UBL3: variants seen among roughly 807,000 people sequenced by gnomAD.
UBL3 encodes the protein ubiquitin-like protein 3.
Under a neutral mutation model 18.4 loss-of-function variants are expected in UBL3, and 6 were observed. The observed-to-expected ratio is 0.33, with a 90% CI of 0.18 to 0.64. The LOEUF (loss-of-function observed/expected upper bound fraction) is 0.64. Ranked by LOEUF, UBL3 falls within the 30% of genes least tolerant of loss-of-function variation. UBL3 has a pLI of 0.76. For synonymous variants in UBL3, 49 were observed against 46.6 expected (o/e 1.05, Z -0.21); for missense variants, 109 against 142.9 (o/e 0.76, Z 1.21).
At chr13:29,829,268 C>A (rs1719332274) in intron 1 of UBL3, among the ~76,000 whole-genome samples, 1 of 152,236 alleles carries the variant, frequency 6.6e-6, no homozygotes, top group South Asian at 2.1e-4. Context: ...TTTTGTTCGG[C>A]TGTGCCCTGC....
Position 29,765,986 on chromosome 13 carries a change from T to C in UBL3, c.*1269A>G, listed in dbSNP as rs1876668976. The C allele has an allele frequency of 6.6e-6, 1 of 152,530 alleles. No individual in the cohort carries two copies. Among genetic ancestry groups the C allele is most frequent in the Non-Finnish European group, 1.5e-5 (1 of 68,004 alleles). 9.4% of individuals were successfully genotyped at this position (152,530 alleles called of 1,614,324 possible). On this transcript the variant is annotated 3_prime_UTR_variant, in exon 5 of 5. Coordinates refer to ENST00000380680, the MANE Select transcript of UBL3 (RefSeq NM_007106.4). Reference sequence around the variant, plus strand: ...ACTACGCGCCAATCTATATTTTAAGTCCTGTAGTTAGGTATTTTATAAGTC... The same window carrying C: ...ACTACGCGCCAATCTATATTTTAAGCCCTGTAGTTAGGTATTTTATAAGTC...
chr13:29,828,337 T>G (rs908883806), intron 1 of UBL3, among the ~76,000 whole-genome samples: 9 of 152,346 alleles, frequency 5.9e-5, no homozygotes, highest in Admixed American at 3.9e-4. Flanking sequence ...AGATTTGGTC[T>G]ATTCACATAG....
At chr13:29,804,212 A>C (rs1877844223) in intron 1 of UBL3, among the ~76,000 whole-genome samples, 1 of 152,120 alleles carries the variant, frequency 6.6e-6, no homozygotes, top group South Asian at 2.1e-4. Context: ...CCTACTCCTG[A>C]ATGACCTTTG....
At chr13:29,803,924 C>T (rs2139335107) in intron 1 of UBL3, among the ~76,000 whole-genome samples, 1 of 151,994 alleles carries the variant, frequency 6.6e-6, no homozygotes, top group East Asian at 1.9e-4. Context: ...GAACTTGATA[C>T]TTGACCAAAA....
At chr13:29,825,269 T>C (rs1346737278) in intron 1 of UBL3, among the ~76,000 whole-genome samples, 13 of 152,254 alleles carry the variant, frequency 8.5e-5, no homozygotes, top group Non-Finnish European at 1.6e-4. Flanking sequence ...GGGGATGGCA[T>C]TGAATCTATA....
At chr13:29,782,310 TA>T (rs1370127560) in intron 1 of UBL3, among the ~76,000 whole-genome samples, 4 of 152,122 alleles carry the variant, frequency 2.6e-5, no homozygotes, top group Non-Finnish European at 4.4e-5. Context: ...CTGTACTCCA[TA>T]AATTTAACTG....
At chr13:29,780,554 T>C (rs933243418) in intron 1 of UBL3, among the ~76,000 whole-genome samples, 1 of 151,452 alleles carries the variant, frequency 6.6e-6, no homozygotes, top group Non-Finnish European at 1.5e-5. Flanking sequence ...ACTAAATTAC[T>C]TGGATCTAAA....
chr13:29,819,834 G>A (rs1232236851), intron 1 of UBL3, among the ~76,000 whole-genome samples: 4 of 151,940 alleles, frequency 2.6e-5, no homozygotes, highest in Admixed American at 2.6e-4. Flanking sequence ...TCAAAGGGCT[G>A]ATTTCAAGAC....
chr13:29,849,885 G>A lies in UBL3; in HGVS notation c.-347C>T, dbSNP rs1879326115. On this transcript the variant is annotated 5_prime_UTR_variant, in exon 1 of 5. Coordinates refer to ENST00000380680, the MANE Select transcript of UBL3 (RefSeq NM_007106.4). ...ACGGACATGGAGAGGGGTGGGAGGG[G>A]GTTAAATGCGCCTTCCTCCTTTCCC... The A allele has an allele frequency of 2.3e-6, 1 of 441,408 alleles. No homozygotes were observed. The highest frequency in any genetic ancestry group is 4.2e-6 in the Non-Finnish European group (1 of 240,314). 27.3% of individuals were successfully genotyped at this position (441,408 alleles called of 1,614,324 possible).
intron 1 of UBL3, among the ~76,000 whole-genome samples, chr13:29,816,668 T>C (rs1241698407): frequency 1.3e-5 from 2 of 149,978 alleles, no homozygotes; most frequent in Admixed American, 6.7e-5. Context: ...GGTGGGAGGA[T>C]TGTTTGAGCC....
chr13:29,794,735 C>T (rs563406493), intron 1 of UBL3, among the ~76,000 whole-genome samples: 1 of 152,316 alleles, frequency 6.6e-6, no homozygotes, highest in East Asian at 1.9e-4. Context: ...GTATCTTGCT[C>T]TAGTTAATCC....
intron 1 of UBL3, among the ~76,000 whole-genome samples, chr13:29,832,518 G>C (rs1165063834): frequency 6.6e-6 from 1 of 152,028 alleles, no homozygotes; most frequent in Non-Finnish European, 1.5e-5. Flanking sequence ...ATTTTTAGTA[G>C]AGACGGGGCC....
chr13:29,767,829 C>G (rs1876729786), intron 3 of UBL3, 134 bp from the exon 4 acceptor site: 2 of 615,124 alleles, frequency 3.3e-6, no homozygotes, highest in South Asian at 6.0e-5. Context: ...CTCAGAGTAC[C>G]TTCACAAAAT....
intron 1 of UBL3, among the ~76,000 whole-genome samples, chr13:29,812,697 T>C (rs1057040007): frequency 6.6e-6 from 1 of 152,066 alleles, no homozygotes; most frequent in Non-Finnish European, 1.5e-5. Context: ...CTTGGATATA[T>C]GAATTTATTT....
chr13:29,842,386 T>C (rs575378268), intron 1 of UBL3, among the ~76,000 whole-genome samples: 1 of 152,242 alleles, frequency 6.6e-6, no homozygotes, highest in African/African-American at 2.4e-5. Flanking sequence ...CTCGAACTCC[T>C]GACCTCAAGT....
intron 2 of UBL3, among the ~76,000 whole-genome samples, chr13:29,776,375 G>A (rs373610464): frequency 1.2e-4 from 18 of 147,708 alleles, no homozygotes; most frequent in African/African-American, 4.5e-4. Context: ...TGATCCTCCT[G>A]CCTCAGCCTC....
At chr13:29,796,118 C>T (rs1456252549) in intron 1 of UBL3, among the ~76,000 whole-genome samples, 8 of 152,034 alleles carry the variant, frequency 5.3e-5, no homozygotes, top group Admixed American at 1.3e-4. Context: ...AATAATTAGA[C>T]GATAAAAATT....
chr13:29,779,544 T>C (rs1471866739), intron 1 of UBL3, among the ~76,000 whole-genome samples: 1 of 152,194 alleles, frequency 6.6e-6, no homozygotes, highest in Non-Finnish European at 1.5e-5. Context: ...ATAGATTTAG[T>C]CTTTAGGATC....
At chr13:29,843,025 A>C (rs79424311) in intron 1 of UBL3, among the ~76,000 whole-genome samples, 230 of 152,346 alleles carry the variant, frequency 1.5e-3, no homozygotes, top group African/African-American at 5.3e-3. Context: ...GTAAATGGTT[A>C]GGAATAAGTA....
Sources: gnomAD v4.1 joint callset for allele counts (sites outside exome capture counted in the v4.1 genomes callset) on GRCh38, gnomAD v4.1.1 for gene constraint, MANE v1.5 for transcripts, NCBI Gene and HGNC (gene_info 2026-07-23, HGNC 2026-07-21) for gene names.